METTL25: variants seen among roughly 807,000 people sequenced by gnomAD.
METTL25 encodes methyltransferase like 25.
A neutral mutation model predicts 71.6 loss-of-function variants in METTL25; 64 were observed. That is an observed-to-expected ratio of 0.89 (90% CI 0.73 to 1.10). The LOEUF is 1.10. Among genes scored for constraint, METTL25 ranks in the 50% least tolerant of loss-of-function variants. The pLI is 0.00. For synonymous variants in METTL25, 287 were observed against 250.3 expected (o/e 1.15, Z -1.38); for missense variants, 807 against 707.0 (o/e 1.14, Z -1.60).
chr12:82,432,980 G>A (rs924005011), intron 6 of METTL25, among the ~76,000 whole-genome samples: 8 of 151,250 alleles, frequency 5.3e-5, no homozygotes, highest in Non-Finnish European at 4.4e-5. Flanking sequence ...AATATCATTA[G>A]CATATGTTAA....
At chr12:82,394,721 T>C (rs936390600) in intron 3 of METTL25, among the ~76,000 whole-genome samples, 4 of 152,010 alleles carry the variant, frequency 2.6e-5, no homozygotes, top group African/African-American at 9.7e-5. Context: ...TATGTTGATA[T>C]ATTTTAAAGA....
At chr12:82,364,796 C>A (rs1030059436) in intron 1 of METTL25, among the ~76,000 whole-genome samples, 3 of 152,058 alleles carry the variant, frequency 2.0e-5, no homozygotes, top group Non-Finnish European at 4.4e-5. Flanking sequence ...AATAAATTGT[C>A]CAGAGTTCCT....
chr12:82,400,338 CA>C (rs67688329), intron 4 of METTL25, among the ~76,000 whole-genome samples: 68 of 135,572 alleles, frequency 5.0e-4, no homozygotes, highest in African/African-American at 4.1e-4. Context: ...TCCCCCCCAA[CA>C]AAAAAAAAAA....
intron 1 of METTL25, among the ~76,000 whole-genome samples, chr12:82,370,171 T>C (rs546190789): frequency 6.6e-6 from 1 of 152,280 alleles, no homozygotes; most frequent in Admixed American, 6.5e-5. Context: ...ATAGGGGAAC[T>C]CTTTAGGCCA....
intron 1 of METTL25, among the ~76,000 whole-genome samples, chr12:82,378,756 A>G (rs1884138291): frequency 6.6e-6 from 1 of 152,136 alleles, no homozygotes; most frequent in Admixed American, 6.6e-5. Context: ...GCCAGGTGCA[A>G]TAGCTCACAC....
At chr12:82,390,422 A>T (rs1885463468) in intron 3 of METTL25, among the ~76,000 whole-genome samples, 1 of 152,110 alleles carries the variant, frequency 6.6e-6, no homozygotes, top group Admixed American at 6.6e-5. Context: ...TTTTTATGGT[A>T]GATAATGATA....
chr12:82,436,501 C>T (rs780196056), intron 7 of METTL25, among the ~76,000 whole-genome samples: 8 of 151,354 alleles, frequency 5.3e-5, no homozygotes, highest in Admixed American at 2.6e-4. Flanking sequence ...ATAGGTAGTC[C>T]GACTTAGTTA....
At position 82,385,880 on chromosome 12, in the gene METTL25, G is replaced by A. The variant is rs111760613; in HGVS notation, c.260-923G>A. On this transcript the variant is annotated intron_variant, in intron 1 of 11. Coordinates refer to ENST00000248306, the MANE Select transcript of METTL25 (RefSeq NM_032230.3). ...TTGATTACAGAGCTGAGACAAAAAA[G>A]AGTACTGAATCTTCTGACACTCTTA... Among the ~76,000 whole-genome samples, 625 of 152,258 alleles carry A rather than the reference G, an allele frequency of 4.1e-3. 3 individuals carry two copies. Among genetic ancestry groups the A allele is most frequent in the South Asian group, 0.011 (55 of 4,832 alleles).
intron 5 of METTL25, among the ~76,000 whole-genome samples, chr12:82,425,054 A>G (rs1424378253): frequency 6.6e-6 from 1 of 152,042 alleles, no homozygotes; most frequent in Admixed American, 6.6e-5. Flanking sequence ...TAATACAAGA[A>G]TTATCATTGT....
intron 7 of METTL25, among the ~76,000 whole-genome samples, chr12:82,437,859 A>G (rs1259798508): frequency 2.0e-5 from 3 of 151,620 alleles, no homozygotes. Flanking sequence ...TAATAACTAC[A>G]TGCAAGCTGG....
intron 2 of METTL25, chr12:82,388,746 G>A (rs1885295175): frequency 6.6e-6 from 1 of 152,156 alleles, no homozygotes; most frequent in African/African-American, 2.4e-5. Flanking sequence ...GGTGATAAGT[G>A]AGAGTGGAGG....
intron 8 of METTL25, among the ~76,000 whole-genome samples, chr12:82,442,057 C>G (rs959091913): frequency 2.0e-5 from 3 of 151,994 alleles, no homozygotes; most frequent in African/African-American, 7.2e-5. Flanking sequence ...CCTGCACTTC[C>G]TACCCAGCCA....
At chr12:82,457,778 A>G (rs1253286855) in intron 9 of METTL25, among the ~76,000 whole-genome samples, 1 of 152,098 alleles carries the variant, frequency 6.6e-6, no homozygotes, top group Non-Finnish European at 1.5e-5. Flanking sequence ...TGATGCTTAT[A>G]AATATTTTTA....
intron 1 of METTL25, among the ~76,000 whole-genome samples, chr12:82,361,087 C>A (rs369250286): frequency 5.9e-5 from 9 of 152,106 alleles, no homozygotes; most frequent in African/African-American, 2.2e-4. Flanking sequence ...TCTTATCTGA[C>A]CCCACCCACA....
intron 6 of METTL25, 23 bp from the exon 7 acceptor site, chr12:82,434,672 T>G (rs767142453): frequency 8.0e-5 from 129 of 1,605,610 alleles, no homozygotes; most frequent in Middle Eastern, 1.7e-4. Flanking sequence ...ATCAACAATC[T>G]GTCTTGTTTT....
rs1430043080 is a variant in METTL25, at chr12:82,413,710, C to T, written c.1279+10580C>T. 3.3e-5 allele frequency among the ~76,000 whole-genome samples: 5 copies of T among 151,902 alleles called. No homozygotes were observed. In the East Asian group the frequency reaches 5.8e-4, roughly 18 times the overall value. Reference sequence around the variant, plus strand: ...CTTGAATGTAGCTTTCTGAAACATGCGTATTATTTCAATTTAACCTTATTT... The same window carrying T: ...CTTGAATGTAGCTTTCTGAAACATGTGTATTATTTCAATTTAACCTTATTT... On this transcript the variant is annotated intron_variant, in intron 5 of 11. Coordinates refer to ENST00000248306, the MANE Select transcript of METTL25 (RefSeq NM_032230.3).
intron 9 of METTL25, among the ~76,000 whole-genome samples, chr12:82,460,601 A>C (rs1380130426): frequency 1.3e-5 from 2 of 152,190 alleles, no homozygotes; most frequent in Non-Finnish European, 2.9e-5. Flanking sequence ...TATGAGAAAA[A>C]TATCTGACAA....
chr12:82,474,376 C>T (rs1050198835), intron 9 of METTL25: 10 of 152,276 alleles, frequency 6.6e-5, no homozygotes, highest in African/African-American at 1.7e-4. Flanking sequence ...CTGTTCAACA[C>T]TCCAATCAAA....
intron 7 of METTL25, among the ~76,000 whole-genome samples, chr12:82,435,976 A>G (rs1889886824): frequency 6.6e-6 from 1 of 151,466 alleles, no homozygotes; most frequent in South Asian, 2.1e-4. Context: ...ACTGTAAGGT[A>G]ACAAAGACTA....
Sources: gnomAD v4.1 joint callset for allele counts (sites outside exome capture counted in the v4.1 genomes callset) on GRCh38, gnomAD v4.1.1 for gene constraint, MANE v1.5 for transcripts, NCBI Gene and HGNC (gene_info 2026-07-23, HGNC 2026-07-21) for gene names.